REDIC1: variants seen among roughly 807,000 people sequenced by gnomAD.
The protein encoded by REDIC1 is regulator of DNA class I crossover intermediates 1, also known as HEI10 Interacting Protein 1.
chr12:39,882,663 G>T, the REDIC1 span, among the ~76,000 whole-genome samples: 10 of 152,194 alleles, frequency 6.6e-5, no homozygotes, highest in African/African-American at 2.4e-4. Flanking sequence ...GCAATCAGAT[G>T]GGTGCTCCCC....
chr12:39,679,801 C>A, the REDIC1 span, among the ~76,000 whole-genome samples: 1 of 152,060 alleles, frequency 6.6e-6, no homozygotes, highest in Admixed American at 6.6e-5. Context: ...GGTATGTGGA[C>A]AGATGGAGCA....
chr12:39,715,762 A>T, the REDIC1 span, among the ~76,000 whole-genome samples: 1 of 151,896 alleles, frequency 6.6e-6, no homozygotes, highest in African/African-American at 2.4e-5. Flanking sequence ...TAAAGGTGAG[A>T]ACATTCATTC....
chr12:39,725,598 C>T, the REDIC1 span, among the ~76,000 whole-genome samples: 1 of 152,032 alleles, frequency 6.6e-6, no homozygotes. Flanking sequence ...AGAGGTACCA[C>T]GTGTTCTCTC....
the REDIC1 span, among the ~76,000 whole-genome samples, chr12:39,832,858 C>T: frequency 1.3e-5 from 2 of 152,068 alleles, no homozygotes; most frequent in Admixed American, 1.3e-4. Context: ...TTTGCCTTAT[C>T]TGTGACTTCA....
At chr12:39,707,745 T>G in the REDIC1 span, among the ~76,000 whole-genome samples, 1 of 151,832 alleles carries the variant, frequency 6.6e-6, no homozygotes, top group Non-Finnish European at 1.5e-5. Flanking sequence ...CTCCTTGCAT[T>G]TTTTAAAAAG....
the REDIC1 span, among the ~76,000 whole-genome samples, chr12:39,896,374 A>C: frequency 1.5e-5 from 2 of 132,102 alleles, no homozygotes; most frequent in African/African-American, 5.6e-5. Flanking sequence ...ATATGTATAC[A>C]TATATGTATG....
the REDIC1 span, among the ~76,000 whole-genome samples, chr12:39,795,783 T>A: frequency 6.6e-6 from 1 of 152,170 alleles, no homozygotes; most frequent in Non-Finnish European, 1.5e-5. Context: ...ATTATTGGGG[T>A]AGAGTGTCCT....
the REDIC1 span, among the ~76,000 whole-genome samples, chr12:39,827,997 G>A: frequency 1.3e-5 from 2 of 152,032 alleles, no homozygotes; most frequent in African/African-American, 4.8e-5. Context: ...CAAGGTCATG[G>A]TTGACTTTGC....
chr12:39,816,783 A>G, the REDIC1 span, among the ~76,000 whole-genome samples: 3 of 152,050 alleles, frequency 2.0e-5, no homozygotes, highest in African/African-American at 7.2e-5. Flanking sequence ...ATTTGCCTTC[A>G]TCCTTAGTTC....
At chr12:39,711,432 T>C in the REDIC1 span, among the ~76,000 whole-genome samples, 4 of 85,458 alleles carry the variant, frequency 4.7e-5, no homozygotes, top group Non-Finnish European at 1.1e-4. Flanking sequence ...TATGTGTATA[T>C]GTATATGTGT....
At chr12:39,700,137 C>G in the REDIC1 span, among the ~76,000 whole-genome samples, 1 of 152,134 alleles carries the variant, frequency 6.6e-6, no homozygotes, top group Non-Finnish European at 1.5e-5. Context: ...AATCAAATTA[C>G]TCCGAGCTAT....
chr12:39,824,882 G>A, the REDIC1 span, among the ~76,000 whole-genome samples: 1 of 152,254 alleles, frequency 6.6e-6, no homozygotes, highest in South Asian at 2.1e-4. Context: ...AGATCAAGGA[G>A]GGTAAATTCT....
At chr12:39,906,414 C>A in the REDIC1 span, among the ~76,000 whole-genome samples, 3 of 152,172 alleles carry the variant, frequency 2.0e-5, no homozygotes, top group African/African-American at 4.8e-5. Context: ...CATACCTACA[C>A]ACAATAGATA....
chr12:39,794,507 A>G, the REDIC1 span, among the ~76,000 whole-genome samples: 4 of 152,224 alleles, frequency 2.6e-5, no homozygotes, highest in African/African-American at 7.2e-5. Flanking sequence ...TACTCTTGTA[A>G]CAAGTAGCCA....
the REDIC1 span, among the ~76,000 whole-genome samples, chr12:39,882,534 G>A: frequency 5.9e-5 from 9 of 152,066 alleles, no homozygotes; most frequent in Non-Finnish European, 7.4e-5. Context: ...TGAAATTTCC[G>A]AAGATGCACA....
chr12:39,668,542 G>T, the REDIC1 span, among the ~76,000 whole-genome samples: 1 of 152,058 alleles, frequency 6.6e-6, no homozygotes, highest in Non-Finnish European at 1.5e-5. Flanking sequence ...ACAATTATGT[G>T]TCTTGGAGTT....
At chr12:39,750,087 G>A in the REDIC1 span, among the ~76,000 whole-genome samples, 1 of 152,174 alleles carries the variant, frequency 6.6e-6, no homozygotes, top group Non-Finnish European at 1.5e-5. Context: ...GCAGGAGAAA[G>A]AAATAAAGTG....
At chr12:39,704,227 G>GA in the REDIC1 span, among the ~76,000 whole-genome samples, 23 of 149,312 alleles carry the variant, frequency 1.5e-4, no homozygotes, top group South Asian at 1.1e-3. Context: ...AAATTTACAA[G>GA]AAAAAAAAAC....
At chr12:39,868,270 G>C in the REDIC1 span, among the ~76,000 whole-genome samples, 1 of 152,112 alleles carries the variant, frequency 6.6e-6, no homozygotes, top group Non-Finnish European at 1.5e-5. Context: ...TTGGAATTTT[G>C]ATATAATTTG....
Sources: gnomAD v4.1 joint callset for allele counts (sites outside exome capture counted in the v4.1 genomes callset) on GRCh38, gnomAD v4.1.1 for gene constraint, MANE v1.5 for transcripts, NCBI Gene and HGNC (gene_info 2026-07-23, HGNC 2026-07-21) for gene names.